INSR: variants seen among roughly 807,000 people sequenced by gnomAD.
The protein encoded by INSR is IR.
INSR carries 67 observed loss-of-function variants against 142.6 expected under a neutral mutation model. The observed-to-expected ratio is 0.47, with a 90% CI of 0.39 to 0.58. The LOEUF is 0.58. INSR is among the 20% of genes least tolerant of loss of function. The pLI, the probability that INSR is intolerant of heterozygous loss-of-function variation, is 0.00. For synonymous variants in INSR, 756 were observed against 743.1 expected, an observed-to-expected ratio of 1.02 and a Z score of -0.28; for missense variants, 1,248 against 1,833.2, an observed-to-expected ratio of 0.68 and a Z score of 5.83.
chr19:7,189,564 G>C (rs1257181235), intron 2 of INSR, among the ~76,000 whole-genome samples: 1 of 152,192 alleles, frequency 6.6e-6, no homozygotes, highest in African/African-American at 2.4e-5. Flanking sequence ...GAAGAGGCAT[G>C]GCTAGGTCCA....
At chr19:7,203,866 A>C (rs1314140590) in intron 2 of INSR, among the ~76,000 whole-genome samples, 1 of 152,198 alleles carries the variant, frequency 6.6e-6, no homozygotes, top group Non-Finnish European at 1.5e-5. Context: ...AAAAGCCAGG[A>C]TGACTGCTTT....
At chr19:7,207,329 A>G (rs943024348) in intron 2 of INSR, among the ~76,000 whole-genome samples, 6 of 152,154 alleles carry the variant, frequency 3.9e-5, no homozygotes, top group African/African-American at 1.4e-4. Flanking sequence ...AGGCAGGAGA[A>G]TCGCTTGAAC....
chr19:7,125,438 C>T lies in INSR; in HGVS notation c.3103G>A (p.Gly1035Ser), dbSNP rs764479879. 11 of 1,614,040 alleles carry T rather than the reference C, an allele frequency of 6.8e-6. No homozygotes were observed. Among genetic ancestry groups the T allele is most frequent in the East Asian group, 4.5e-5 (2 of 44,890 alleles). Reference sequence around the variant, plus strand: ...CTGGCATTGCCCTCATACACCATGCCGAAGGAGCCCTGCCCCAGCTCTCGA... The same window carrying T: ...CTGGCATTGCCCTCATACACCATGCTGAAGGAGCCCTGCCCCAGCTCTCGA... ...LLRELGQGSF[G>S]MVYEGNARDI... The change falls in exon 17 of 22, where the codon GGC becomes AGC. Residue 1035 changes from glycine to serine, a missense_variant. Physicochemically the swap from Gly to Ser is moderately conservative, Grantham distance 56. Transcript: ENST00000302850. The surrounding 1 kb of genome is among the most constrained non-coding windows in gnomAD (Gnocchi z 4.9).
At position 7,166,242 on chromosome 19, in the gene INSR, G is replaced by C; in HGVS notation, c.1773C>G (p.Ile591Met). ...RGLKPWTQYAIFVKTLVTFSD... is the reference protein window; with the variant it reads ...RGLKPWTQYAMFVKTLVTFSD... ...AAAAGGTGACCAGGGTCTTCACAAA[G>C]ATGGCATACTGGGTCCAGGGCTTGA... Residue 591 changes from isoleucine to methionine, a missense_variant, in exon 8 of 22, where the codon ATC becomes ATG. By Grantham distance (10) the Ile-to-Met change is conservative (BLOSUM62 1). Transcript: ENST00000302850. This position sits in a 1 kb window ranked among gnomAD's most constrained non-coding sequence, Gnocchi z 4.1. The C allele has an allele frequency of 1.2e-6, 2 of 1,614,186 alleles. No homozygotes were observed. Among genetic ancestry groups the C allele is most frequent in the South Asian group, 2.2e-5 (2 of 91,084 alleles).
chr19:7,125,242 G>A lies in INSR; in HGVS notation c.3258+41C>T. ...GAGGAGGAGGCAGAGAAAGGGAAGGGTCAGGAAAGCCAGCCCATGTCCCAC... is the reference window on the plus strand; with the variant it reads ...GAGGAGGAGGCAGAGAAAGGGAAGGATCAGGAAAGCCAGCCCATGTCCCAC... On this transcript the variant is annotated intron_variant, in intron 17 of 21. Transcript: ENST00000302850. This position sits in a 1 kb window ranked among gnomAD's most constrained non-coding sequence, Gnocchi z 4.9. 6.2e-7 allele frequency: 1 copy of A among 1,612,764 alleles called. No individual in the cohort carries two copies. Among genetic ancestry groups the A allele is most frequent in the Non-Finnish European group, 8.5e-7 (1 of 1,179,848 alleles).
intron 2 of INSR, among the ~76,000 whole-genome samples, chr19:7,187,255 T>C (rs942591224): frequency 4.0e-5 from 6 of 151,854 alleles, no homozygotes; most frequent in African/African-American, 1.5e-4. Context: ...AATTTTTTTG[T>C]ATTTTTAGTA....
At chr19:7,208,686 A>G (rs1174516016) in intron 2 of INSR, among the ~76,000 whole-genome samples, 6 of 151,900 alleles carry the variant, frequency 3.9e-5, no homozygotes, top group Admixed American at 6.6e-5. Flanking sequence ...CTTAGATAAC[A>G]TGGCAAAACC....
chr19:7,118,399 C>A (rs1972391801), intron 21 of INSR, among the ~76,000 whole-genome samples: 1 of 151,908 alleles, frequency 6.6e-6, no homozygotes, highest in South Asian at 2.1e-4. Context: ...CTCACTGCAA[C>A]CTCTGCCTCC....
intron 1 of INSR, 139 bp downstream of exon 1, chr19:7,293,653 G>T: frequency 3.0e-6 from 2 of 660,370 alleles, no homozygotes; most frequent in Non-Finnish European, 4.1e-6. Context: ...CCTACGCGAT[G>T]CAGGAGCTAC....
chr19:7,248,754 A>ATTTTTTTTTT lies in INSR; in HGVS notation c.652+18581_652+18590dup, dbSNP rs552940485. On this transcript the variant is annotated intron_variant, in intron 2 of 21. Transcript: ENST00000302850. ...CCTGGACTATTCCCGGTTGGCCAGA[A>ATTTTTTTTTT]TTTTTTTTTTTTTTTTTTTTTGAGA... Among the ~76,000 whole-genome samples, 564 of 97,224 alleles carry ATTTTTTTTTT rather than the reference A, an allele frequency of 5.8e-3. 79 individuals carry two copies. Among genetic ancestry groups the ATTTTTTTTTT allele is most frequent in the African/African-American group, 0.024 (522 of 22,086 alleles). The allele number at this position is 97,224 out of a possible 152,430, so 63.8% of individuals were successfully genotyped here. A position where few individuals can be genotyped will look rare whatever the true frequency, so the allele number is the denominator to read the frequency against.
chr19:7,149,097 C>T (rs147110631), intron 11 of INSR, among the ~76,000 whole-genome samples: 139 of 152,062 alleles, frequency 9.1e-4, no homozygotes, highest in Non-Finnish European at 1.8e-3. Context: ...TTAGTAGTGA[C>T]GGGGTTTCAC....
intron 2 of INSR, among the ~76,000 whole-genome samples, chr19:7,197,893 C>T (rs1324420609): frequency 3.4e-5 from 4 of 116,956 alleles, no homozygotes; most frequent in Non-Finnish European, 5.2e-5. Flanking sequence ...TGTGCAGCCC[C>T]AGGATTGGTC....
rs1599926843 is a variant in INSR, at chr19:7,160,251, T to C, written c.2029+2781A>G. Among the ~76,000 whole-genome samples the C allele has an allele frequency of 5.3e-5, 8 of 152,092 alleles. No homozygotes were observed. In the South Asian group the frequency reaches 1.7e-3, roughly 32 times the overall value. ...CTCATTGCAACCTCCACCTCCCGGG[T>C]TCAAGCGATTCTTCTGCCTCAGCCT... On this transcript the variant is annotated intron_variant, in intron 9 of 21. Transcript: ENST00000302850.
Position 7,152,885 on chromosome 19 carries a change from G to A in INSR, c.2072C>T (p.Ser691Phe). 1 of 1,612,758 alleles carries A rather than the reference G, an allele frequency of 6.2e-7. No homozygotes were observed. Among genetic ancestry groups the A allele is most frequent in the Admixed American group, 1.7e-5 (1 of 59,954 alleles). Residue 691 changes from serine to phenylalanine, a missense_variant, in exon 10 of 22, where the codon TCT (serine) becomes TTT (phenylalanine). Ser to Phe is a radical substitution (Grantham distance 155, BLOSUM62 -2). Transcript: ENST00000302850. Reference sequence around the variant, plus strand: ...CTGGTTGTGCTTCTGAGAATCTTCAGACTCGAATGGTGGAGACCAGGTCCT... The same window carrying A: ...CTGGTTGTGCTTCTGAGAATCTTCAAACTCGAATGGTGGAGACCAGGTCCT... ...PSRTWSPPFE[S>F]EDSQKHNQSE... is the part of the protein sequence containing the mutation.
chr19:7,180,529 C>CAAAAAA (rs57184012), intron 3 of INSR, among the ~76,000 whole-genome samples: 25 of 91,902 alleles, frequency 2.7e-4, no homozygotes, highest in African/African-American at 7.6e-4. Flanking sequence ...GACCTTGTCT[C>CAAAAAA]AAAAAAAAAA....
intron 2 of INSR, among the ~76,000 whole-genome samples, chr19:7,197,577 G>GGT (rs113829911): frequency 0.015 from 833 of 56,046 alleles, 140 homozygotes; most frequent in Non-Finnish European, 0.022. Flanking sequence ...TGTGTGTTTG[G>GGT]GTGTGTGTGT....
At chr19:7,196,597 T>G (rs529876332) in intron 2 of INSR, among the ~76,000 whole-genome samples, 1 of 152,302 alleles carries the variant, frequency 6.6e-6, no homozygotes, top group South Asian at 2.1e-4. Flanking sequence ...TCAAATTAGT[T>G]TGGGTTTTTC....
intron 2 of INSR, among the ~76,000 whole-genome samples, chr19:7,204,918 T>TA (rs1345004098): frequency 6.6e-6 from 1 of 151,968 alleles, no homozygotes; most frequent in East Asian, 1.9e-4. Context: ...TCATTTCTAC[T>TA]AAATATACAA....
At chr19:7,181,137 G>A (rs995511919) in intron 3 of INSR, among the ~76,000 whole-genome samples, 2 of 152,074 alleles carry the variant, frequency 1.3e-5, no homozygotes, top group African/African-American at 4.8e-5. Flanking sequence ...GTAGAGATGG[G>A]GTTTCACCAT....
Sources: gnomAD v4.1 joint callset for allele counts (sites outside exome capture counted in the v4.1 genomes callset) on GRCh38, gnomAD v4.1.1 for gene constraint, Gnocchi (gnomAD v3.1) non-coding constraint, MANE v1.5 for transcripts, NCBI Gene and HGNC (gene_info 2026-07-23, HGNC 2026-07-21) for gene names.